The following PAPOLG variants were observed in gnomAD, a reference collection of about 807,000 sequenced individuals.
The protein encoded by PAPOLG is PAP-gamma.
A neutral mutation model predicts 99.0 loss-of-function variants in PAPOLG; 40 were observed. That is an observed-to-expected ratio of 0.40 (90% CI 0.31 to 0.53). The LOEUF (loss-of-function observed/expected upper bound fraction) is 0.53. Ranked by LOEUF, PAPOLG falls within the 20% of genes least tolerant of loss-of-function variation. The pLI, the probability that PAPOLG is intolerant of heterozygous loss-of-function variation, is 0.41. For missense variants in PAPOLG, 675 were observed against 884.1 expected, an observed-to-expected ratio of 0.76 and a Z score of 3.00; for synonymous variants, 310 against 299.3, an observed-to-expected ratio of 1.04 and a Z score of -0.37.
rs534813785 is a variant in PAPOLG, at chr2:60,786,228, T to C, written c.1167-719T>C. 7.2e-5 allele frequency among the ~76,000 whole-genome samples: 11 copies of C among 152,146 alleles called. No individual in the cohort carries two copies. The South Asian group carries it at 2.3e-3, about 32-fold the overall frequency. ...CTAATATATTGGGCTGAAATTTTTA[T>C]TTTATTTATTTATTTATTTAGAGAT... On this transcript the variant is annotated intron_variant, in intron 13 of 21. Transcript: ENST00000238714.
chr2:60,783,324 CTTTTT>C (rs72172236), intron 13 of PAPOLG, 115 bp downstream of exon 13: 61 of 158,366 alleles, frequency 3.9e-4, no homozygotes, highest in East Asian at 7.4e-4. Context: ...TATTATATCT[CTTTTT>C]TTTTTTTTTT....
At chr2:60,767,349 T>C (rs1016876049) in intron 3 of PAPOLG, among the ~76,000 whole-genome samples, 5 of 151,284 alleles carry the variant, frequency 3.3e-5, no homozygotes, top group Non-Finnish European at 5.9e-5. Context: ...TTCTTTCTTT[T>C]TTTTTTTTTT....
chr2:60,795,005 T>C lies in PAPOLG; in HGVS notation c.2097T>C (p.Asp699=). 3 of 1,612,522 alleles carry C rather than the reference T, an allele frequency of 1.9e-6. No homozygotes were observed. The highest frequency in any genetic ancestry group is 2.5e-6 in the Non-Finnish European group (3 of 1,178,920). ...AATCTATGCCTATTCCAACTATTGA[T>C]ACATCACGCAAAAAGGTAACAAGAT... ...GGESMPIPTI[D]TSRKKRLPSK... Residue 699 remains aspartate, a synonymous_variant, in exon 21 of 22, where the codon GAT becomes GAC. Coordinates refer to ENST00000238714, the MANE Select transcript of PAPOLG (RefSeq NM_022894.4).
At chr2:60,763,411 T>C (rs2103761459) in intron 3 of PAPOLG, among the ~76,000 whole-genome samples, 1 of 152,158 alleles carries the variant, frequency 6.6e-6, no homozygotes, top group South Asian at 2.1e-4. Flanking sequence ...TATGGCTTTT[T>C]CCCCCCAGTA....
intron 3 of PAPOLG, among the ~76,000 whole-genome samples, chr2:60,762,727 A>G (rs574401981): frequency 6.6e-6 from 1 of 151,924 alleles, no homozygotes; most frequent in Non-Finnish European, 1.5e-5. Flanking sequence ...CCCAGATTCA[A>G]GTGATTCTCT....
chr2:60,798,565 G>A lies in PAPOLG; in HGVS notation c.*1405G>A, dbSNP rs1671779704. On this transcript the variant is annotated 3_prime_UTR_variant, in exon 22 of 22. Transcript: ENST00000238714. ...ATAGATTACACAGCCAGGAATGCTAGTATCTACCACCTTCTTTAGATTTCA... is the reference window on the plus strand; with the variant it reads ...ATAGATTACACAGCCAGGAATGCTAATATCTACCACCTTCTTTAGATTTCA... 6.6e-6 allele frequency: 1 copy of A among 152,392 alleles called. No homozygotes were observed. The highest frequency in any genetic ancestry group is 1.5e-5 in the Non-Finnish European group (1 of 68,040). The allele number at this position is 152,392 out of a possible 1,614,324, so 9.4% of individuals were successfully genotyped here.
intron 21 of PAPOLG, 111 bp from the exon 22 acceptor site, chr2:60,796,951 T>TA (rs1455331639): frequency 7.3e-7 from 1 of 1,377,022 alleles, no homozygotes; most frequent in African/African-American, 1.5e-5. Context: ...GTTTAGGAGC[T>TA]AGAGGGTTTG....
At chr2:60,773,913 A>G (rs148647612) in intron 7 of PAPOLG, among the ~76,000 whole-genome samples, 4 of 152,310 alleles carry the variant, frequency 2.6e-5, no homozygotes, top group South Asian at 2.1e-4. Flanking sequence ...CTGAATAACT[A>G]TAGTTTATCT....
chr2:60,774,898 T>C, intron 7 of PAPOLG, 136 bp from the exon 8 acceptor site: 1 of 1,438,828 alleles, frequency 7.0e-7, no homozygotes, highest in Non-Finnish European at 9.3e-7. Context: ...GTGGTAAATT[T>C]CATACACATA....
chr2:60,761,256 C>T (rs1321306483), intron 2 of PAPOLG, among the ~76,000 whole-genome samples: 1 of 152,198 alleles, frequency 6.6e-6, no homozygotes, highest in Non-Finnish European at 1.5e-5. Context: ...GATTCATTTA[C>T]ACCATTGGTT....
rs1671808982 is a variant in PAPOLG at position 60,799,916 on chromosome 2, C to T, written c.*2756C>T. Reference sequence around the variant, plus strand: ...CTGGGATTACAGGCGTGAACCACCGCACCCGGCCGTGTTTGTTTTCAAGTG... The same window carrying T: ...CTGGGATTACAGGCGTGAACCACCGTACCCGGCCGTGTTTGTTTTCAAGTG... On this transcript the variant is annotated 3_prime_UTR_variant, in exon 22 of 22. Coordinates refer to ENST00000238714, the MANE Select transcript of PAPOLG (RefSeq NM_022894.4). 1 of 152,166 alleles carries T rather than the reference C, an allele frequency of 6.6e-6. No individual in the cohort carries two copies. The highest frequency in any genetic ancestry group is 6.6e-5 in the Admixed American group (1 of 15,260). 9.4% of individuals were successfully genotyped at this position (152,166 alleles called of 1,614,324 possible). A position where few individuals can be genotyped will look rare whatever the true frequency, so the allele number is the denominator to read the frequency against.
chr2:60,756,331 G>C lies in PAPOLG; in HGVS notation c.-148G>C. ...GGTTTTGTGGTGTTTTCACTACTCG[G>C]TTGGATGCCTCAGCCATAGTAAGTG... On this transcript the variant is annotated 5_prime_UTR_variant, in exon 1 of 22. Coordinates refer to ENST00000238714, the MANE Select transcript of PAPOLG (RefSeq NM_022894.4). 1.1e-6 allele frequency: 1 copy of C among 952,314 alleles called. No homozygotes were observed. The highest frequency in any genetic ancestry group is 2.5e-5 in the East Asian group (1 of 40,106). The allele number at this position is 952,314 out of a possible 1,614,324, so 59.0% of individuals were successfully genotyped here. A position where few individuals can be genotyped will look rare whatever the true frequency, so the allele number is the denominator to read the frequency against.
rs185772726 is a variant in PAPOLG, at chr2:60,789,977, C to T, written c.1397-1784C>T. 3.1e-3 allele frequency among the ~76,000 whole-genome samples: 474 copies of T among 152,224 alleles called. 2 individuals carry two copies. Among genetic ancestry groups the T allele is most frequent in the African/African-American group, 0.011 (456 of 41,536 alleles). ...GGTGTGGTGGCGGGTGCCTGTAATC[C>T]CAGCTATTCCAGAGGCTAAGGCAGG... On this transcript the variant is annotated intron_variant, in intron 15 of 21. Coordinates refer to ENST00000238714, the MANE Select transcript of PAPOLG (RefSeq NM_022894.4).
chr2:60,759,057 G>T lies in PAPOLG; in HGVS notation c.18-1077G>T, dbSNP rs1283281279. Among the ~76,000 whole-genome samples the T allele has an allele frequency of 2.0e-5, 3 of 152,142 alleles. No homozygotes were observed. The East Asian group carries it at 5.8e-4, about 29-fold the overall frequency. On this transcript the variant is annotated intron_variant, in intron 1 of 21. Coordinates refer to ENST00000238714, the MANE Select transcript of PAPOLG (RefSeq NM_022894.4). ...AATTTATTTTGAAGTTGATTAGTTT[G>T]TGTAAACTCAAAATCTCAGAACTTG... is the stretch of plus-strand genomic sequence containing the variant.
At position 60,783,217 on chromosome 2, in the gene PAPOLG, T is replaced by G. The variant is rs1283188679; in HGVS notation, c.1166+8T>G. The stretch of plus-strand genomic sequence containing the variant: ...AGAAAACCATCTAGAGTGGTAAGAC[T>G]TCTATTTCAAGTTTTCTACCTACTG... On this transcript the variant is annotated splice_region_variant and intron_variant, in intron 13 of 21. Transcript: ENST00000238714. The G allele has an allele frequency of 2.6e-6, 4 of 1,545,122 alleles. No homozygotes were observed. The highest frequency in any genetic ancestry group is 3.6e-5 in the Admixed American group (2 of 55,214).
intron 1 of PAPOLG, among the ~76,000 whole-genome samples, chr2:60,757,748 T>C (rs988947405): frequency 3.2e-4 from 49 of 152,242 alleles, no homozygotes; most frequent in African/African-American, 9.2e-4. Context: ...AGGTGTCTCT[T>C]TGTACGCTTG....
In PAPOLG at chr2:60,786,952, G is replaced by A; in HGVS notation, c.1172G>A (p.Gly391Glu). The change falls in exon 14 of 22, where the codon GGA becomes GAA. Residue 391 changes from glycine (G) to glutamate (E), a missense_variant. Physicochemically the swap from Gly to Glu is moderately conservative, Grantham distance 98. Coordinates refer to ENST00000238714, the MANE Select transcript of PAPOLG (RefSeq NM_022894.4). The part of the protein sequence containing the change: ...STEENHLEWV[G>E]LVESKIRVLV... The stretch of plus-strand genomic sequence containing the variant: ...GTGTTTGTTGTTTATTTTAGGGTTG[G>A]ATTAGTAGAATCTAAAATCCGTGTA... 2 of 1,609,576 alleles carry A rather than the reference G, an allele frequency of 1.2e-6. No homozygotes were observed. The highest frequency in any genetic ancestry group is 1.7e-6 in the Non-Finnish European group (2 of 1,178,250).
chr2:60,756,566 G>T (rs1200035507), intron 1 of PAPOLG, 71 bp downstream of exon 1: 1 of 1,490,510 alleles, frequency 6.7e-7, no homozygotes, highest in Admixed American at 2.0e-5. Flanking sequence ...CTGTGTCCTT[G>T]TTTCCGTTCC....
intron 1 of PAPOLG, 99 bp downstream of exon 1, chr2:60,756,594 C>T (rs1035819321): frequency 5.4e-6 from 7 of 1,292,942 alleles, no homozygotes; most frequent in Non-Finnish European, 7.4e-6. Context: ...TTGCGCCCTG[C>T]ACGCAGCTCG....
Sources: allele counts gnomAD v4.1 joint callset (sites outside exome capture counted in the v4.1 genomes callset), GRCh38; gene constraint gnomAD v4.1.1; transcripts MANE v1.5; gene names NCBI Gene and HGNC (gene_info 2026-07-23, HGNC 2026-07-21).